The following COL11A1 variants were observed in gnomAD, a reference collection of about 807,000 sequenced individuals.
COL11A1 encodes the protein collagen type XI alpha 1 chain, also known as collagen alpha-1(XI) chain.
A neutral mutation model predicts 265.2 loss-of-function variants in COL11A1; 74 were observed. The observed-to-expected ratio is 0.28, with a 90% CI of 0.23 to 0.34. The LOEUF is 0.34. Ranked by LOEUF, COL11A1 falls within the 10% of genes least tolerant of loss-of-function variation. The pLI is 1.00. For synonymous variants in COL11A1, 816 were observed against 727.6 expected (o/e 1.12, Z -1.96); for missense variants, 2,165 against 2,263.6 (o/e 0.96, Z 0.88).
chr1:102,995,966 AT>A, intron 27 of COL11A1, 22 bp downstream of exon 27: 1 of 1,613,248 alleles, frequency 6.2e-7, no homozygotes, highest in Admixed American at 1.7e-5. Flanking sequence ...AAAGTAAATA[AT>A]GTGAAAACAA....
chr1:102,978,728 G>T lies in COL11A1; in HGVS notation c.2734C>A (p.Pro912Thr), dbSNP rs1662743084. Reference protein sequence around the residue: ...PKGTSGGDGPPGPPGERGPQG... With the variant: ...PKGTSGGDGPTGPPGERGPQG... ...CGTACTCTTTCACCTGGAGGGCCAGGAGGGCCATCGCCACCTGAAGTGCCC... is the reference window on the plus strand; with the variant it reads ...CGTACTCTTTCACCTGGAGGGCCAGTAGGGCCATCGCCACCTGAAGTGCCC... The change falls in exon 35 of 67, where the codon CCT becomes ACT. Residue 912 changes from proline (P) to threonine (T), a missense_variant. By Grantham distance (38) the Pro-to-Thr change is conservative. Transcript: ENST00000370096. 6.2e-7 allele frequency: 1 copy of T among 1,613,984 alleles called. No individual in the cohort carries two copies. Among genetic ancestry groups the T allele is most frequent in the African/African-American group, 1.3e-5 (1 of 74,916 alleles).
chr1:103,084,947 A>G (rs138324930), intron 1 of COL11A1, among the ~76,000 whole-genome samples: 159 of 152,376 alleles, frequency 1.0e-3, no homozygotes, highest in African/African-American at 3.0e-3. Context: ...TGAACATTGA[A>G]CTAAATGTGA....
intron 1 of COL11A1, among the ~76,000 whole-genome samples, chr1:103,092,130 T>A (rs1426184318): frequency 6.6e-6 from 1 of 152,106 alleles, no homozygotes; most frequent in East Asian, 1.9e-4. Flanking sequence ...ATCAATTGTA[T>A]CAGCATCCCA....
intron 42 of COL11A1, among the ~76,000 whole-genome samples, chr1:102,946,180 G>T (rs1659245212): frequency 8.6e-6 from 1 of 115,824 alleles, no homozygotes; most frequent in Non-Finnish European, 1.8e-5. Context: ...ACTGTTGTGG[G>T]GTGGGGGGAG....
Position 102,898,686 on chromosome 1 carries a change from G to A in COL11A1, c.4228C>T (p.Arg1410Trp), listed in dbSNP as rs778331804. 1.1e-5 allele frequency: 18 copies of A among 1,612,306 alleles called. No homozygotes were observed. The highest frequency in any genetic ancestry group is 1.4e-5 in the Non-Finnish European group (16 of 1,179,052). The change falls in exon 56 of 67, where the codon CGG becomes TGG. Residue 1410 changes from arginine to tryptophan, a missense_variant. Arg to Trp is a moderately radical substitution (Grantham distance 101). Coordinates refer to ENST00000370096, the MANE Select transcript of COL11A1 (RefSeq NM_001854.4). The part of the protein sequence containing the change: ...PAGKPGPEGL[R>W]GIPGPVGEQG... Reference sequence around the variant, plus strand: ...CTCACCACAGGACCAGGGATGCCCCGAAGACCTTCTGGACCAGGCTTTCCT... The same window carrying A: ...CTCACCACAGGACCAGGGATGCCCCAAAGACCTTCTGGACCAGGCTTTCCT...
intron 4 of COL11A1, among the ~76,000 whole-genome samples, chr1:103,072,359 C>A (rs1671660316): frequency 6.6e-6 from 1 of 151,832 alleles, no homozygotes; most frequent in Admixed American, 6.6e-5. Flanking sequence ...GCAACTAAAT[C>A]TGACTTATGC....
intron 4 of COL11A1, among the ~76,000 whole-genome samples, chr1:103,043,676 G>A (rs995603684): frequency 6.6e-6 from 1 of 152,042 alleles, no homozygotes; most frequent in Non-Finnish European, 1.5e-5. Context: ...TTTATAAACT[G>A]TAAAGTATAT....
At chr1:103,084,770 A>G (rs745836167) in intron 1 of COL11A1, among the ~76,000 whole-genome samples, 1 of 152,230 alleles carries the variant, frequency 6.6e-6, no homozygotes, top group Non-Finnish European at 1.5e-5. Context: ...CTCACTTAAT[A>G]TCCTCGATAG....
At chr1:102,907,318 T>G (rs1654103691) in intron 54 of COL11A1, among the ~76,000 whole-genome samples, 1 of 152,098 alleles carries the variant, frequency 6.6e-6, no homozygotes, top group Non-Finnish European at 1.5e-5. Context: ...TGAGGTTATT[T>G]TAAAATAATT....
At chr1:102,991,706 T>G (rs963203382) in intron 28 of COL11A1, among the ~76,000 whole-genome samples, 4 of 152,150 alleles carry the variant, frequency 2.6e-5, no homozygotes, top group African/African-American at 9.7e-5. Flanking sequence ...TGCCTCAGTG[T>G]GAGTTTAGCA....
At chr1:102,914,291 C>A (rs775222042) in intron 52 of COL11A1, 61 bp downstream of exon 52, 6 of 1,298,386 alleles carry the variant, frequency 4.6e-6, no homozygotes, top group Admixed American at 1.8e-5. Context: ...TCTTTATTAA[C>A]AATACAGAAA....
At chr1:102,879,503 G>C (rs552250052) in intron 66 of COL11A1, among the ~76,000 whole-genome samples, 180 bp downstream of exon 66, 3 of 152,188 alleles carry the variant, frequency 2.0e-5, no homozygotes, top group African/African-American at 7.2e-5. Context: ...GTGCATAACT[G>C]TGTGTGTGTT....
Position 102,918,254 on chromosome 1 carries a change from A to G in COL11A1, c.3762+2057T>C, listed in dbSNP as rs538790945. ...TGTTTAGGTACATATTTTTTCAGAA[A>G]GAACAACAAATTACTCTGTATGTAC... On this transcript the variant is annotated intron_variant, in intron 49 of 66. Coordinates refer to ENST00000370096, the MANE Select transcript of COL11A1 (RefSeq NM_001854.4). 2.1e-3 allele frequency among the ~76,000 whole-genome samples: 313 copies of G among 151,962 alleles called. 1 individual carries two copies. Among genetic ancestry groups the G allele is most frequent in the Middle Eastern group, 3.8e-3 (1 of 262 alleles).
chr1:102,913,609 T>C, intron 53 of COL11A1, 28 bp downstream of exon 53: 1 of 1,607,122 alleles, frequency 6.2e-7, no homozygotes, highest in Non-Finnish European at 8.5e-7. Flanking sequence ...ATGTAAAAAC[T>C]TAAAAATAAA....
At chr1:102,911,733 T>C (rs916780017) in intron 54 of COL11A1, among the ~76,000 whole-genome samples, 4 of 152,186 alleles carry the variant, frequency 2.6e-5, no homozygotes, top group African/African-American at 9.6e-5. Flanking sequence ...CAATTTAACA[T>C]TATATACTGA....
At position 103,074,421 on chromosome 1, in the gene COL11A1, G is replaced by T. The variant is rs35908252; in HGVS notation, c.651+197C>A. ...CCTGTAAATGTTTCCCAGGCGTTAC[G>T]GTCACCATTGTCTGGTCATTCTCTT... On this transcript the variant is annotated intron_variant, in intron 4 of 66. Transcript: ENST00000370096. 0.038 allele frequency among the ~76,000 whole-genome samples: 5,722 copies of T among 152,064 alleles called. 124 individuals carry two copies. Among genetic ancestry groups the T allele is most frequent in the Middle Eastern group, 0.092 (27 of 294 alleles).
At position 102,970,257 on chromosome 1, in the gene COL11A1, C is replaced by T; in HGVS notation, c.2824G>A (p.Asp942Asn). Residue 942 changes from aspartate (D) to asparagine (N), a missense_variant, in exon 37 of 67, where the codon GAT (aspartate) becomes AAT (asparagine). Coordinates refer to ENST00000370096, the MANE Select transcript of COL11A1 (RefSeq NM_001854.4). Reference protein sequence around the residue: ...PKGPPGPPGKDGLPGHPGQRG... With the variant: ...PKGPPGPPGKNGLPGHPGQRG... ...TGCCCAGGGTGTCCTGGCAGCCCAT[C>T]CTTCCCAGGTGGTCCCTGAAATTAC... 1.2e-6 allele frequency: 2 copies of T among 1,611,806 alleles called. No homozygotes were observed. The highest frequency in any genetic ancestry group is 1.7e-6 in the Non-Finnish European group (2 of 1,178,558).
In COL11A1 at chr1:102,932,668, A is replaced by G. The variant is rs545420285; in HGVS notation, c.3600+1781T>C. ...TGCTAGATTGGGGAAGTTCTCCTGG[A>G]TAATATCCTGCAGAGTGTTTTCCAA... On this transcript the variant is annotated intron_variant, in intron 46 of 66. Coordinates refer to ENST00000370096, the MANE Select transcript of COL11A1 (RefSeq NM_001854.4). 8.4e-4 allele frequency among the ~76,000 whole-genome samples: 127 copies of G among 152,056 alleles called. 1 individual carries two copies. The South Asian group carries it at 0.014, about 17-fold the overall frequency.
intron 41 of COL11A1, among the ~76,000 whole-genome samples, chr1:102,957,642 T>G (rs540543440): frequency 6.6e-6 from 1 of 152,242 alleles, no homozygotes; most frequent in South Asian, 2.1e-4. Context: ...GAATATGTAG[T>G]AATATTAAAG....
Sources: allele counts gnomAD v4.1 joint callset (sites outside exome capture counted in the v4.1 genomes callset), GRCh38; gene constraint gnomAD v4.1.1; transcripts MANE v1.5; gene names NCBI Gene and HGNC (gene_info 2026-07-23, HGNC 2026-07-21).